CD46: variants seen among roughly 807,000 people sequenced by gnomAD.
The protein encoded by CD46 is CD46 molecule, also known as membrane cofactor protein.
In CD46, 30 loss-of-function variants were observed where a neutral mutation model predicts 53.3. That is an observed-to-expected ratio of 0.56 (90% CI 0.42 to 0.76). The LOEUF (loss-of-function observed/expected upper bound fraction) is 0.76, where lower values mean the gene tolerates loss of function less well. CD46 is among the 30% of genes least tolerant of loss of function. CD46 has a pLI of 0.00. For missense variants in CD46, 409 were observed against 463.0 expected (o/e 0.88, Z 1.07); for synonymous variants, 142 against 152.0 (o/e 0.93, Z 0.48).
intron 7 of CD46, chr1:207,768,729 T>C (rs1268850292): frequency 1.3e-5 from 2 of 152,212 alleles, no homozygotes; most frequent in Non-Finnish European, 2.9e-5. Flanking sequence ...CTACCATCTC[T>C]GGTTTCACTT....
chr1:207,766,445 C>T (rs1245897060), intron 5 of CD46, among the ~76,000 whole-genome samples: 1 of 151,856 alleles, frequency 6.6e-6, no homozygotes, highest in East Asian at 1.9e-4. Context: ...GCTTACAGAC[C>T]TGTGGGAGAG....
At chr1:207,784,469 A>G (rs893691914) in intron 9 of CD46, among the ~76,000 whole-genome samples, 12 of 152,234 alleles carry the variant, frequency 7.9e-5, no homozygotes, top group African/African-American at 2.9e-4. Context: ...ATAGAGAAAA[A>G]CAGTGAAAAA....
In CD46 at chr1:207,772,149, T is replaced by C. The variant is rs534254009; in HGVS notation, c.943+1787T>C. Among the ~76,000 whole-genome samples the C allele has an allele frequency of 4.6e-5, 7 of 152,318 alleles. No homozygotes were observed. The South Asian group carries it at 1.2e-3, about 27-fold the overall frequency. On this transcript the variant is annotated intron_variant, in intron 8 of 12. Transcript: ENST00000367042. Reference sequence around the variant, plus strand: ...GTAAGTTGGATTCCTAGGTATTTTATTCTCTTTGTAGCAATTGTGAATGGG... The same window carrying C: ...GTAAGTTGGATTCCTAGGTATTTTACTCTCTTTGTAGCAATTGTGAATGGG...
At chr1:207,764,276 T>C (rs1656594988) in intron 5 of CD46, among the ~76,000 whole-genome samples, 1 of 152,236 alleles carries the variant, frequency 6.6e-6, no homozygotes, top group Non-Finnish European at 1.5e-5. Flanking sequence ...CGTGTGCTGC[T>C]GGATTGGAAA....
At chr1:207,786,467 A>G (rs1221363852) in intron 11 of CD46, among the ~76,000 whole-genome samples, 1 of 152,250 alleles carries the variant, frequency 6.6e-6, no homozygotes, top group Non-Finnish European at 1.5e-5. Flanking sequence ...TAAAGAGCTT[A>G]CAGTTTAACA....
intron 9 of CD46, 135 bp from the exon 10 acceptor site, chr1:207,784,936 A>G (rs1659137551): frequency 1.4e-6 from 1 of 740,000 alleles, no homozygotes; most frequent in Admixed American, 2.0e-5. Flanking sequence ...CGTGGGGATT[A>G]TGGGAATTGC....
intron 5 of CD46, among the ~76,000 whole-genome samples, chr1:207,766,114 A>T (rs139485809): frequency 4.3e-4 from 65 of 152,340 alleles, no homozygotes; most frequent in Non-Finnish European, 8.1e-4. Flanking sequence ...AAGCAGATCA[A>T]TGGTTAGCTG....
chr1:207,774,791 C>T (rs902532578), intron 8 of CD46, among the ~76,000 whole-genome samples: 1 of 152,180 alleles, frequency 6.6e-6, no homozygotes, highest in African/African-American at 2.4e-5. Context: ...GGTAACCTGA[C>T]CTTTCTCTCT....
chr1:207,755,682 G>A (rs867956967), intron 1 of CD46, among the ~76,000 whole-genome samples: 14 of 152,254 alleles, frequency 9.2e-5, no homozygotes, highest in African/African-American at 2.6e-4. Flanking sequence ...ACACAGTAGC[G>A]TCTCAGTTTC....
intron 1 of CD46, among the ~76,000 whole-genome samples, chr1:207,754,632 A>G (rs927317983): frequency 1.3e-5 from 2 of 152,086 alleles, no homozygotes; most frequent in African/African-American, 2.4e-5. Flanking sequence ...CCTGCCTCCA[A>G]GAGGAAGGTT....
intron 3 of CD46, among the ~76,000 whole-genome samples, chr1:207,759,122 A>T (rs1347744284): frequency 6.6e-6 from 1 of 152,342 alleles, no homozygotes. Flanking sequence ...AGCACTATCT[A>T]TGTGCCAAAT....
intron 8 of CD46, among the ~76,000 whole-genome samples, chr1:207,775,209 T>C (rs1193945981): frequency 6.6e-6 from 1 of 152,226 alleles, no homozygotes; most frequent in East Asian, 1.9e-4. Flanking sequence ...GAAGTTCTTG[T>C]GCCGTGGTTT....
chr1:207,762,735 G>T, intron 5 of CD46: 1 of 153,382 alleles, frequency 6.5e-6, no homozygotes, highest in South Asian at 1.9e-4. Context: ...GCAGATCCAA[G>T]AGGAGATGGC....
At chr1:207,792,479 T>G (rs930590537) in intron 12 of CD46, among the ~76,000 whole-genome samples, 1 of 152,080 alleles carries the variant, frequency 6.6e-6, no homozygotes. Flanking sequence ...AGGTTGCAAT[T>G]TTTTGAATTT....
rs151210721 is a variant in CD46, at chr1:207,782,127, G to A, written c.944-1165G>A. ...CAGTTTTGTAGTTTTCAGTGTACAA[G>A]TCTTTCACCTCCTTAGTTTATTCCT... On this transcript the variant is annotated intron_variant, in intron 8 of 12. Coordinates refer to ENST00000367042, the MANE Select transcript of CD46 (RefSeq NM_172351.3). 1.6e-3 allele frequency among the ~76,000 whole-genome samples: 247 copies of A among 152,110 alleles called. 2 individuals are homozygous for A. The highest frequency in any genetic ancestry group is 2.6e-3 in the Non-Finnish European group (179 of 67,962).
intron 5 of CD46, among the ~76,000 whole-genome samples, chr1:207,764,969 C>T (rs866189797): frequency 6.6e-6 from 1 of 152,078 alleles, no homozygotes; most frequent in Non-Finnish European, 1.5e-5. Flanking sequence ...TGTCCTTATA[C>T]GAAAACCAGA....
chr1:207,790,462 A>T (rs575090473), intron 12 of CD46, 117 bp downstream of exon 12: 1 of 641,182 alleles, frequency 1.6e-6, no homozygotes, highest in Non-Finnish European at 2.8e-6. Context: ...CAAAGAGGAA[A>T]TTTACATTCC....
At position 207,765,174 on chromosome 1, in the gene CD46, T is replaced by G. The variant is rs138931216; in HGVS notation, c.674-1839T>G. The stretch of plus-strand genomic sequence containing the variant: ...TAATCAGTGTAATTTGCCACATCAG[T>G]AGACTATTAAGGAGAAAAAAAATCA... On this transcript the variant is annotated intron_variant, in intron 5 of 12. Coordinates refer to ENST00000367042, the MANE Select transcript of CD46 (RefSeq NM_172351.3). Among the ~76,000 whole-genome samples the G allele has an allele frequency of 3.4e-3, 515 of 152,242 alleles. 3 individuals are homozygous for G. Among genetic ancestry groups the G allele is most frequent in the African/African-American group, 0.012 (489 of 41,536 alleles).
rs748160401 is a variant in CD46 at position 207,761,251 on chromosome 1, G to A, written c.478G>A (p.Val160Ile). The change falls in exon 5 of 13, where the codon GTT becomes ATT. Residue 160 changes from valine to isoleucine, a missense_variant and splice_region_variant. Physicochemically the swap from Val to Ile is conservative, Grantham distance 29. Transcript: ENST00000367042. The stretch of plus-strand genomic sequence containing the variant: ...TCCTCTTTTTCTTCATTTTTAAGAG[G>A]TTTTGTGTACACCACCTCCAAAAAT... ...WSGKPPICEK[V>I]LCTPPPKIKN... 6.3e-7 allele frequency: 1 copy of A among 1,597,498 alleles called. No individual in the cohort carries two copies.
Sources: allele counts gnomAD v4.1 joint callset (sites outside exome capture counted in the v4.1 genomes callset), GRCh38; gene constraint gnomAD v4.1.1; transcripts MANE v1.5; gene names NCBI Gene and HGNC (gene_info 2026-07-23, HGNC 2026-07-21).